Variants in LHX6 observed in about 807,000 individuals in gnomAD.
LHX6 encodes LIM/homeobox protein Lhx6.
In LHX6, 15 loss-of-function variants were observed where a neutral mutation model predicts 47.1. That is an observed-to-expected ratio of 0.32 (90% CI 0.21 to 0.49). The LOEUF is 0.49. Among genes scored for constraint, LHX6 ranks in the 20% least tolerant of loss-of-function variants. The probability of loss-of-function intolerance (pLI) is 0.99; values close to 1 mark genes in which losing one functional copy is unlikely to be tolerated. For missense variants in LHX6, 404 were observed against 539.6 expected, an observed-to-expected ratio of 0.75 and a Z score of 2.49; for synonymous variants, 242 against 233.5, an observed-to-expected ratio of 1.04 and a Z score of -0.33.
intron 1 of LHX6, chr9:122,228,412 T>G: frequency 6.7e-7 from 1 of 1,488,968 alleles, no homozygotes; most frequent in African/African-American, 1.4e-5. Flanking sequence ...TCCTCTTGAT[T>G]CGCCTGTGTC....
chr9:122,228,100 G>A (rs1831186355), intron 1 of LHX6: 1 of 610,914 alleles, frequency 1.6e-6, no homozygotes, highest in Non-Finnish European at 2.8e-6. Context: ...CGAGCGCGGT[G>A]AGCACCCGCC....
Position 122,227,401 on chromosome 9 carries a change from G to C in LHX6, c.156+8C>G. The C allele has an allele frequency of 6.6e-7, 1 of 1,515,868 alleles. No homozygotes were observed. The highest frequency in any genetic ancestry group is 2.7e-5 in the East Asian group (1 of 37,712). The allele number at this position is 1,515,868 out of a possible 1,614,324, so 93.9% of individuals were successfully genotyped here. On this transcript the variant is annotated splice_region_variant and intron_variant, in intron 2 of 9. Coordinates refer to ENST00000394319, the MANE Select transcript of LHX6 (RefSeq NM_014368.5). ...CTGGGCACCGCAGGCAGGGCCAAAC[G>C]GACTCACCATGGCGGGCGGCGCGGT...
At position 122,226,856 on chromosome 9, in the gene LHX6, G is replaced by A; in HGVS notation, c.331C>T (p.Leu111=). The part of the protein sequence containing the change: ...SCGLEILDRY[L]LKVNNLIWHV... ...ACCTACCCCTGTCTCACCTTGAGCA[G>A]ATATCGGTCCAGGATCTCGAGGCCG... The change falls in exon 3 of 10, where the codon CTG becomes TTG. Residue 111 remains leucine, a synonymous_variant. Coordinates refer to ENST00000394319, the MANE Select transcript of LHX6 (RefSeq NM_014368.5). This position sits in a 1 kb window ranked among gnomAD's most constrained non-coding sequence, Gnocchi z 6.5. 7.7e-6 allele frequency: 12 copies of A among 1,565,716 alleles called. No individual in the cohort carries two copies. Among genetic ancestry groups the A allele is most frequent in the Non-Finnish European group, 1.0e-5 (12 of 1,155,450 alleles).
At chr9:122,206,288 G>A (rs945101409) in intron 9 of LHX6, among the ~76,000 whole-genome samples, 13 of 152,154 alleles carry the variant, frequency 8.5e-5, no homozygotes, top group African/African-American at 3.1e-4. Flanking sequence ...GGGTTCAGGG[G>A]CCAGCCCCAT....
chr9:122,207,165 C>G (rs907824611), intron 9 of LHX6, among the ~76,000 whole-genome samples: 2 of 152,146 alleles, frequency 1.3e-5, no homozygotes, highest in African/African-American at 4.8e-5. Context: ...GCAGGTGGCT[C>G]TAGGATCCCG....
chr9:122,210,107 A>G (rs956050278), intron 8 of LHX6, among the ~76,000 whole-genome samples: 1 of 152,064 alleles, frequency 6.6e-6, no homozygotes, highest in Non-Finnish European at 1.5e-5. Flanking sequence ...ATCTGACCTC[A>G]TGGGGTTTCA....
chr9:122,227,707 T>C, intron 1 of LHX6: 1 of 926,804 alleles, frequency 1.1e-6, no homozygotes, highest in Non-Finnish European at 1.5e-6. Flanking sequence ...CTCCCTGCAC[T>C]TAACCCGTGG....
chr9:122,207,800 C>T (rs191073530), intron 9 of LHX6, among the ~76,000 whole-genome samples: 98 of 152,282 alleles, frequency 6.4e-4, no homozygotes, highest in African/African-American at 2.3e-3. Flanking sequence ...CCCACCCCGG[C>T]TGCCCGTTAG....
At position 122,226,501 on chromosome 9, in the gene LHX6, G is replaced by A. The variant is rs1171188126; in HGVS notation, c.340-4C>T. ...CGTGCCAGATGAGGTTGTTGACCTG[G>A]GGACGGGGCGGGGACGGAGGTCGGC... On this transcript the variant is annotated splice_polypyrimidine_tract_variant and splice_region_variant and intron_variant, in intron 3 of 9. Transcript: ENST00000394319. This position sits in a 1 kb window ranked among gnomAD's most constrained non-coding sequence, Gnocchi z 6.5. The A allele has an allele frequency of 6.2e-7, 1 of 1,612,416 alleles. No homozygotes were observed. Among genetic ancestry groups the A allele is most frequent in the Non-Finnish European group, 8.5e-7 (1 of 1,179,642 alleles).
At chr9:122,219,913 G>A (rs1480760395) in intron 4 of LHX6, among the ~76,000 whole-genome samples, 2 of 152,258 alleles carry the variant, frequency 1.3e-5, no homozygotes, top group Non-Finnish European at 2.9e-5. Context: ...CGCTGATTCT[G>A]GAATCTCCAG....
In LHX6 at chr9:122,213,515, C is replaced by T; in HGVS notation, c.1054+91G>A. The T allele has an allele frequency of 8.2e-7, 1 of 1,225,116 alleles. No homozygotes were observed. Among genetic ancestry groups the T allele is most frequent in the Non-Finnish European group, 1.1e-6 (1 of 903,040 alleles). 75.9% of individuals were successfully genotyped at this position (1,225,116 alleles called of 1,614,324 possible). ...CACCCACGAGGCTCCCCAAGGCCCT[C>T]CACCCCACGCCTCGGCCTCAGCCGC... On this transcript the variant is annotated intron_variant, in intron 8 of 9. Coordinates refer to ENST00000394319, the MANE Select transcript of LHX6 (RefSeq NM_014368.5). The surrounding 1 kb of genome is among the most constrained non-coding windows in gnomAD (Gnocchi z 5.5).
intron 8 of LHX6, among the ~76,000 whole-genome samples, chr9:122,211,998 A>G (rs1398324808): frequency 6.6e-6 from 1 of 152,156 alleles, no homozygotes; most frequent in Non-Finnish European, 1.5e-5. Flanking sequence ...CTATATAAAG[A>G]GACATGGTTT....
intron 4 of LHX6, chr9:122,221,243 C>T: frequency 1.0e-6 from 1 of 985,442 alleles, no homozygotes. Flanking sequence ...AACCCAGAAC[C>T]AGCAATTAAG....
chr9:122,227,315 G>T, intron 2 of LHX6, 94 bp downstream of exon 2: 5 of 1,243,850 alleles, frequency 4.0e-6, no homozygotes, highest in Non-Finnish European at 5.3e-6. Flanking sequence ...CCCCCAGAGC[G>T]TGAGCAGCAG....
chr9:122,214,004 G>A lies in LHX6; in HGVS notation c.849C>T (p.Asp283=), dbSNP rs1257503453. The change falls in exon 7 of 10, where the codon GAC becomes GAT. Residue 283 remains aspartate (D), a synonymous_variant. Coordinates refer to ENST00000394319, the MANE Select transcript of LHX6 (RefSeq NM_014368.5). This position sits in a 1 kb window ranked among gnomAD's most constrained non-coding sequence, Gnocchi z 4.6. ...PDAQTLQKLA[D]MTGLSRRVIQ... ...TGACTCTCCGGCTGAGGCCCGTCAT[G>A]TCCGCCAGCTTCTGCAGCGTCTGAG... 1.3e-6 allele frequency: 2 copies of A among 1,599,750 alleles called. No individual in the cohort carries two copies. Among genetic ancestry groups the A allele is most frequent in the South Asian group, 1.1e-5 (1 of 90,972 alleles).
chr9:122,228,621 G>A (rs1326810215), intron 1 of LHX6, 36 bp downstream of exon 1: 1 of 1,304,452 alleles, frequency 7.7e-7, no homozygotes, highest in South Asian at 2.2e-5. Context: ...GCCCGACCCC[G>A]GCCCGGGCCG....
chr9:122,228,158 C>T, intron 1 of LHX6: 1 of 828,988 alleles, frequency 1.2e-6, no homozygotes, highest in Non-Finnish European at 1.8e-6. Context: ...GCTATATTGA[C>T]ACGGATTCAG....
At chr9:122,227,113 G>T in intron 2 of LHX6, 83 bp from the exon 3 acceptor site, 1 of 1,293,954 alleles carries the variant, frequency 7.7e-7, no homozygotes, top group South Asian at 1.5e-5. Context: ...TGGGGCCCCC[G>T]AGCACCAATT....
At position 122,213,906 on chromosome 9, in the gene LHX6, G is replaced by A. The variant is rs1370190954; in HGVS notation, c.879+68C>T. 4.6e-6 allele frequency: 7 copies of A among 1,534,942 alleles called. No homozygotes were observed. The highest frequency in any genetic ancestry group is 6.2e-6 in the Non-Finnish European group (7 of 1,131,404). ...TGGCCACGTGCACGCACCACCCTCC[G>A]CGCCGAGCCCAGCTACGAGCTCCGG... On this transcript the variant is annotated intron_variant, in intron 7 of 9. Transcript: ENST00000394319. The surrounding 1 kb of genome is among the most constrained non-coding windows in gnomAD (Gnocchi z 5.5).
Sources: gnomAD v4.1 joint callset for allele counts (sites outside exome capture counted in the v4.1 genomes callset) on GRCh38, gnomAD v4.1.1 for gene constraint, Gnocchi (gnomAD v3.1) non-coding constraint, MANE v1.5 for transcripts, NCBI Gene and HGNC (gene_info 2026-07-23, HGNC 2026-07-21) for gene names.